The following GRM7 variants were observed in gnomAD, a reference collection of about 807,000 sequenced individuals.
GRM7 encodes glutamate metabotropic receptor 7.
Under a neutral mutation model 84.5 loss-of-function variants are expected in GRM7, and 35 were observed. The ratio of observed to expected loss-of-function variants is 0.41; its 90% CI spans 0.32 to 0.55. The LOEUF is 0.55. GRM7 is among the 20% of genes least tolerant of loss of function. The pLI, the probability that GRM7 is intolerant of heterozygous loss-of-function variation, is 0.19. For missense variants in GRM7, 1,003 were observed against 1,194.6 expected, an observed-to-expected ratio of 0.84 and a Z score of 2.36; for synonymous variants, 487 against 455.1, an observed-to-expected ratio of 1.07 and a Z score of -0.89.
At chr3:7,172,421 C>G (rs1695012128) in intron 2 of GRM7, among the ~76,000 whole-genome samples, 1 of 152,232 alleles carries the variant, frequency 6.6e-6, no homozygotes, top group Non-Finnish European at 1.5e-5. Flanking sequence ...CAATCCCAAT[C>G]ATTGCCCATT....
At chr3:7,408,688 A>T (rs1046978032) in intron 4 of GRM7, among the ~76,000 whole-genome samples, 1 of 152,192 alleles carries the variant, frequency 6.6e-6, no homozygotes, top group Non-Finnish European at 1.5e-5. Context: ...CACCTGTAAC[A>T]CTGCGCAAAT....
intron 2 of GRM7, among the ~76,000 whole-genome samples, chr3:7,228,275 G>A (rs2124892002): frequency 6.6e-6 from 1 of 152,248 alleles, no homozygotes; most frequent in East Asian, 1.9e-4. Context: ...TTTCAGTACA[G>A]ATATGTTTAA....
chr3:6,947,280 C>G (rs1041023035), intron 1 of GRM7, among the ~76,000 whole-genome samples: 1 of 152,162 alleles, frequency 6.6e-6, no homozygotes, highest in African/African-American at 2.4e-5. Flanking sequence ...TGAATTTTGT[C>G]AAACGCCTTT....
intron 4 of GRM7, among the ~76,000 whole-genome samples, chr3:7,321,224 C>T (rs1443998388): frequency 1.3e-5 from 2 of 151,978 alleles, no homozygotes; most frequent in Non-Finnish European, 2.9e-5. Context: ...TCTGACTTGT[C>T]ACACAAATAT....
intron 8 of GRM7, among the ~76,000 whole-genome samples, chr3:7,676,532 C>G (rs1161846596): frequency 6.6e-6 from 1 of 152,144 alleles, no homozygotes; most frequent in African/African-American, 2.4e-5. Context: ...GATCTCCGCT[C>G]TCTGCAACCT....
At chr3:7,354,510 C>T (rs1158384478) in intron 4 of GRM7, among the ~76,000 whole-genome samples, 1 of 152,096 alleles carries the variant, frequency 6.6e-6, no homozygotes, top group African/African-American at 2.4e-5. Context: ...CAAATGGAAG[C>T]CATTAGAGCT....
chr3:7,300,477 T>A (rs748686777), intron 3 of GRM7, among the ~76,000 whole-genome samples: 13 of 152,200 alleles, frequency 8.5e-5, no homozygotes, highest in Non-Finnish European at 1.8e-4. Context: ...CCCACTGCCT[T>A]CCAGGTTCTT....
At chr3:7,245,228 C>T (rs1038820422) in intron 2 of GRM7, among the ~76,000 whole-genome samples, 1 of 151,802 alleles carries the variant, frequency 6.6e-6, no homozygotes, top group East Asian at 1.9e-4. Context: ...ATAAAAGGGA[C>T]AGAAAATATA....
chr3:7,206,444 T>A (rs760977143), intron 2 of GRM7, among the ~76,000 whole-genome samples: 1 of 152,158 alleles, frequency 6.6e-6, no homozygotes, highest in African/African-American at 2.4e-5. Context: ...GAGATACTGA[T>A]GGTTAAAAAA....
At chr3:7,040,308 CT>C (rs550426466) in intron 1 of GRM7, among the ~76,000 whole-genome samples, 213 of 146,378 alleles carry the variant, frequency 1.5e-3, no homozygotes, top group East Asian at 4.2e-3. Context: ...TCTGTAAACT[CT>C]TTTTTTTTTT....
chr3:7,417,955 C>T (rs573313997), intron 5 of GRM7, among the ~76,000 whole-genome samples: 142 of 152,064 alleles, frequency 9.3e-4, no homozygotes, highest in Non-Finnish European at 1.6e-3. Flanking sequence ...GTTCTAAAAT[C>T]ACAAGAAAAT....
chr3:7,021,652 A>G (rs1444500451), intron 1 of GRM7, among the ~76,000 whole-genome samples: 2 of 152,216 alleles, frequency 1.3e-5, no homozygotes, highest in Non-Finnish European at 2.9e-5. Flanking sequence ...AAGACAAAGT[A>G]GTTTTTAATT....
Position 7,229,207 on chromosome 3 carries a change from C to T in GRM7, c.737-69477C>T, listed in dbSNP as rs148475148. ...TTACAATTAACATTTCCAGTGTTAA[C>T]ATTCATGACAATAAAACAGAAGAAA... On this transcript the variant is annotated intron_variant, in intron 2 of 9. Coordinates refer to ENST00000357716, the MANE Select transcript of GRM7 (RefSeq NM_000844.4). 8.8e-3 allele frequency among the ~76,000 whole-genome samples: 1,346 copies of T among 152,216 alleles called. 53 individuals carry two copies. The highest frequency in any genetic ancestry group is 0.07 in the Admixed American group (1,065 of 15,280).
At chr3:7,591,843 A>T (rs1266622601) in intron 8 of GRM7, among the ~76,000 whole-genome samples, 1 of 152,142 alleles carries the variant, frequency 6.6e-6, no homozygotes, top group Non-Finnish European at 1.5e-5. Flanking sequence ...ACAAAAGTTA[A>T]GTGACTTTTC....
chr3:7,470,728 G>T (rs1354146293), intron 7 of GRM7, among the ~76,000 whole-genome samples: 1 of 152,008 alleles, frequency 6.6e-6, no homozygotes, highest in African/African-American at 2.4e-5. Context: ...TATGAAAAAA[G>T]AAATACAACA....
rs148492110 is a variant in GRM7, at chr3:7,130,726, T to A, written c.520-15726T>A. On this transcript the variant is annotated intron_variant, in intron 1 of 9. Coordinates refer to ENST00000357716, the MANE Select transcript of GRM7 (RefSeq NM_000844.4). ...GCAGTCAACCTAAAATGCAATTACA[T>A]GCAAAAAAGTTTCAGTCATGGTAAT... Among the ~76,000 whole-genome samples the A allele has an allele frequency of 4.5e-3, 679 of 152,108 alleles. 6 individuals are homozygous for A. The highest frequency in any genetic ancestry group is 0.016 in the African/African-American group (651 of 41,484).
chr3:7,060,734 C>G (rs1263562240), intron 1 of GRM7, among the ~76,000 whole-genome samples: 2 of 150,522 alleles, frequency 1.3e-5, no homozygotes, highest in Non-Finnish European at 3.0e-5. Flanking sequence ...TTCTTTAACG[C>G]CTAGAAATGT....
chr3:7,724,087 A>G (rs1702040808), intron 9 of GRM7, among the ~76,000 whole-genome samples: 1 of 152,076 alleles, frequency 6.6e-6, no homozygotes, highest in East Asian at 1.9e-4. Flanking sequence ...AGCTGTTGTG[A>G]GCCTGATATG....
At chr3:7,586,889 A>G (rs1454068186) in intron 8 of GRM7, among the ~76,000 whole-genome samples, 1 of 152,212 alleles carries the variant, frequency 6.6e-6, no homozygotes, top group African/African-American at 2.4e-5. Flanking sequence ...CCCCAGACAT[A>G]AAAGAATATA....
Sources: gnomAD v4.1 joint callset for allele counts (sites outside exome capture counted in the v4.1 genomes callset) on GRCh38, gnomAD v4.1.1 for gene constraint, MANE v1.5 for transcripts, NCBI Gene and HGNC (gene_info 2026-07-23, HGNC 2026-07-21) for gene names.